Variants in IGF1R observed in about 807,000 individuals in gnomAD.
IGF1R encodes the protein insulin like growth factor 1 receptor.
In IGF1R, 44 loss-of-function variants were observed where a neutral mutation model predicts 144.6. The observed-to-expected ratio is 0.30, with a 90% CI of 0.24 to 0.39. The LOEUF (loss-of-function observed/expected upper bound fraction) is 0.39, where lower values mean the gene tolerates loss of function less well. Ranked by LOEUF, IGF1R falls within the 10% of genes least tolerant of loss-of-function variation. The probability of loss-of-function intolerance (pLI) is 1.00; values close to 1 mark genes in which losing one functional copy is unlikely to be tolerated. For missense variants in IGF1R, 1,355 were observed against 1,833.7 expected (o/e 0.74, Z 4.77); for synonymous variants, 795 against 722.8 (o/e 1.10, Z -1.60).
intron 13 of IGF1R, among the ~76,000 whole-genome samples, chr15:98,927,830 A>G (rs1227462051): frequency 6.6e-6 from 1 of 152,236 alleles, no homozygotes; most frequent in African/African-American, 2.4e-5. Flanking sequence ...AATCATTGAT[A>G]GGGGACTTAC....
intron 2 of IGF1R, among the ~76,000 whole-genome samples, chr15:98,771,053 G>A (rs977953981): frequency 2.6e-5 from 4 of 152,134 alleles, no homozygotes; most frequent in African/African-American, 7.2e-5. Flanking sequence ...ATGAAACTTC[G>A]AATGAGGATT....
rs571607035 is a variant in IGF1R at position 98,902,648 on chromosome 15, T to C, written c.1247+3027T>C. On this transcript the variant is annotated intron_variant, in intron 5 of 20. Coordinates refer to ENST00000650285, the MANE Select transcript of IGF1R (RefSeq NM_000875.5). ...TCAGGCTGGTCTCAAACTCCTGACC[T>C]TGTGATCCGCCCGCCTCAGCCTCCC... Among the ~76,000 whole-genome samples the C allele has an allele frequency of 3.3e-5, 5 of 151,690 alleles. No individual in the cohort carries two copies. In the South Asian group the frequency reaches 1.0e-3, roughly 32 times the overall value.
intron 5 of IGF1R, among the ~76,000 whole-genome samples, chr15:98,908,177 A>G (rs1980268): frequency 0.1 from 15,346 of 152,280 alleles, 852 homozygotes; most frequent in Middle Eastern, 0.14. Flanking sequence ...GAGAAGGCCC[A>G]GGGTTGACCC....
intron 19 of IGF1R, 81 bp from the exon 20 acceptor site, chr15:98,948,493 G>GT: frequency 6.9e-7 from 1 of 1,441,844 alleles, no homozygotes; most frequent in East Asian, 2.3e-5. Context: ...TGCTCGGGAT[G>GT]TAAGAAGTGC....
In IGF1R at chr15:98,648,786, T is replaced by C. The variant is rs1035789254; in HGVS notation, c.-796T>C. Among the ~76,000 whole-genome samples the C allele has an allele frequency of 7.2e-6, 1 of 139,834 alleles. No homozygotes were observed. Among genetic ancestry groups the C allele is most frequent in the Non-Finnish European group, 1.6e-5 (1 of 64,084 alleles). 91.7% of individuals were successfully genotyped at this position (139,834 alleles called of 152,430 possible). The stretch of plus-strand genomic sequence containing the variant: ...CACGCCCCTCCCGCGCGGGGGCAGC[T>C]CCACGGCGCGCCTCGCCTCGGCTGT... On this transcript the variant is annotated 5_prime_UTR_variant, in exon 1 of 21. Transcript: ENST00000650285.
intron 1 of IGF1R, among the ~76,000 whole-genome samples, chr15:98,684,074 A>T (rs2053260083): frequency 1.3e-5 from 2 of 152,120 alleles, no homozygotes; most frequent in Non-Finnish European, 2.9e-5. Flanking sequence ...GCCAGTTGTT[A>T]AATCACTTTG....
intron 2 of IGF1R, among the ~76,000 whole-genome samples, chr15:98,747,465 G>A (rs1488909458): frequency 6.6e-6 from 1 of 152,114 alleles, no homozygotes; most frequent in African/African-American, 2.4e-5. Flanking sequence ...CAAAGTGCTG[G>A]GATTACAGCC....
chr15:98,755,326 C>G (rs2055121510), intron 2 of IGF1R, among the ~76,000 whole-genome samples: 1 of 152,056 alleles, frequency 6.6e-6, no homozygotes, highest in African/African-American at 2.4e-5. Context: ...GAGCCATCAT[C>G]TGTTGATGGA....
chr15:98,725,033 C>T (rs1190644057), intron 2 of IGF1R, among the ~76,000 whole-genome samples: 1 of 152,184 alleles, frequency 6.6e-6, no homozygotes, highest in Non-Finnish European at 1.5e-5. Flanking sequence ...CAGACCACAC[C>T]AGGGCTCTGA....
At chr15:98,721,693 A>G (rs1301926755) in intron 2 of IGF1R, among the ~76,000 whole-genome samples, 1 of 152,206 alleles carries the variant, frequency 6.6e-6, no homozygotes, top group East Asian at 1.9e-4. Flanking sequence ...GCTGGCCCTG[A>G]GAGGTGCAGG....
chr15:98,705,498 T>A (rs188116717), intron 1 of IGF1R, among the ~76,000 whole-genome samples: 98 of 152,310 alleles, frequency 6.4e-4, no homozygotes, highest in Non-Finnish European at 1.1e-3. Flanking sequence ...AAAATGGGTG[T>A]TTGCCAAGTG....
intron 2 of IGF1R, among the ~76,000 whole-genome samples, chr15:98,868,565 A>G (rs114356178): frequency 1.3e-5 from 2 of 152,070 alleles, no homozygotes; most frequent in African/African-American, 4.8e-5. Flanking sequence ...TGTGGCGCAT[A>G]CAGGTGCCCT....
chr15:98,952,303 AACACACACACACACACAC>A (rs143223923), intron 20 of IGF1R, among the ~76,000 whole-genome samples: 2 of 146,572 alleles, frequency 1.4e-5, no homozygotes, highest in African/African-American at 2.5e-5. Flanking sequence ...GTACCCCACC[AACACACACACACACACAC>A]ACACACACAC....
At chr15:98,912,502 T>C (rs2015066866) in intron 7 of IGF1R, among the ~76,000 whole-genome samples, 1 of 152,246 alleles carries the variant, frequency 6.6e-6, no homozygotes, top group South Asian at 2.1e-4. Flanking sequence ...GTCACACCAG[T>C]GCTTTGGCAA....
intron 2 of IGF1R, among the ~76,000 whole-genome samples, chr15:98,825,403 G>A (rs943118592): frequency 2.0e-5 from 3 of 152,198 alleles, no homozygotes; most frequent in African/African-American, 7.2e-5. Flanking sequence ...CCCAACCCCT[G>A]GGCCACAGAC....
Position 98,861,002 on chromosome 15 carries a change from T to C in IGF1R, c.641-30323T>C, listed in dbSNP as rs540807816. ...TAAATGTGTGATAAATTTATTCCTTTGCATGATTTTTTTTTCTTTTTCTTC... is the reference window on the plus strand; with the variant it reads ...TAAATGTGTGATAAATTTATTCCTTCGCATGATTTTTTTTTCTTTTTCTTC... On this transcript the variant is annotated intron_variant, in intron 2 of 20. Coordinates refer to ENST00000650285, the MANE Select transcript of IGF1R (RefSeq NM_000875.5). Among the ~76,000 whole-genome samples, 363 of 152,302 alleles carry C rather than the reference T, an allele frequency of 2.4e-3. 1 individual carries two copies. Among genetic ancestry groups the C allele is most frequent in the Admixed American group, 4.8e-3 (74 of 15,308 alleles).
chr15:98,819,491 C>T (rs988748892), intron 2 of IGF1R, among the ~76,000 whole-genome samples: 4 of 152,060 alleles, frequency 2.6e-5, no homozygotes, highest in Non-Finnish European at 5.9e-5. Context: ...AGGTGCCCTC[C>T]GTGAACCAGA....
At chr15:98,934,787 G>C (rs747016572) in intron 15 of IGF1R, 37 bp from the exon 16 acceptor site, 1 of 1,577,608 alleles carries the variant, frequency 6.3e-7, no homozygotes, top group South Asian at 1.1e-5. Context: ...CTAAGGGCTT[G>C]TTTCTGTACC....
At chr15:98,801,677 A>G (rs1259507921) in intron 2 of IGF1R, among the ~76,000 whole-genome samples, 1 of 152,228 alleles carries the variant, frequency 6.6e-6, no homozygotes, top group Non-Finnish European at 1.5e-5. Flanking sequence ...ATTCTGCATG[A>G]GGCATTGTAG....
Sources: allele counts gnomAD v4.1 joint callset (sites outside exome capture counted in the v4.1 genomes callset), GRCh38; gene constraint gnomAD v4.1.1; transcripts MANE v1.5; gene names NCBI Gene and HGNC (gene_info 2026-07-23, HGNC 2026-07-21).